The following KIFC3 variants were observed in gnomAD, a reference collection of about 807,000 sequenced individuals.
KIFC3 encodes kinesin family member C3.
In KIFC3, 60 loss-of-function variants were observed where a neutral mutation model predicts 101.8. The ratio of observed to expected loss-of-function variants is 0.59; its 90% CI spans 0.48 to 0.73. KIFC3 has a LOEUF of 0.73. KIFC3 is among the 30% of genes least tolerant of loss of function. KIFC3 has a pLI of 0.00. For missense variants in KIFC3, 966 were observed against 1,137.1 expected (o/e 0.85, Z 2.16); for synonymous variants, 476 against 482.7 (o/e 0.99, Z 0.18).
chr16:57,847,246 GGAAGGAAGGAAGGAAGGAA>G (rs1356164042), intron 1 of KIFC3, among the ~76,000 whole-genome samples: 68 of 105,950 alleles, frequency 6.4e-4, no homozygotes, highest in East Asian at 2.4e-3. Flanking sequence ...AAGGAAGGAA[GGAAGGAAGGAAGGAAGGAA>G]GGAAGGGAAG....
chr16:57,758,425 C>T lies in KIFC3; in HGVS notation c.*509G>A, dbSNP rs893972768. 4 of 369,418 alleles carry T rather than the reference C, an allele frequency of 1.1e-5. No homozygotes were observed. The highest frequency in any genetic ancestry group is 2.1e-5 in the Non-Finnish European group (4 of 189,530). 22.9% of individuals were successfully genotyped at this position (369,418 alleles called of 1,614,324 possible). On this transcript the variant is annotated 3_prime_UTR_variant, in exon 20 of 20. Coordinates refer to ENST00000445690, the MANE Select transcript of KIFC3 (RefSeq NM_001130100.2). ...GGAGGCCATGCGCCTCCGCACACCC[C>T]CCAGCTGCGGGAACCCTCCTTGAAG...
chr16:57,766,041 G>A (rs953999622), intron 10 of KIFC3, among the ~76,000 whole-genome samples: 2 of 152,206 alleles, frequency 1.3e-5, no homozygotes, highest in African/African-American at 4.8e-5. Context: ...GGCAGGACAG[G>A]GCTTAGGAAT....
chr16:57,768,382 T>C (rs1183665183), intron 9 of KIFC3, among the ~76,000 whole-genome samples: 5 of 152,086 alleles, frequency 3.3e-5, no homozygotes, highest in African/African-American at 7.2e-5. Context: ...AGTTGTTATA[T>C]GTTATTTTTT....
chr16:57,825,879 C>T (rs1179996649), intron 1 of KIFC3, among the ~76,000 whole-genome samples: 1 of 152,110 alleles, frequency 6.6e-6, no homozygotes, highest in Non-Finnish European at 1.5e-5. Flanking sequence ...AAAAGTTTTG[C>T]CATGTTGCTC....
intron 11 of KIFC3, among the ~76,000 whole-genome samples, chr16:57,764,633 A>C (rs1555601097): frequency 6.6e-6 from 1 of 152,226 alleles, no homozygotes; most frequent in Non-Finnish European, 1.5e-5. Flanking sequence ...AGGAGGGCAC[A>C]GGCCTGGCAG....
At chr16:57,778,804 C>T (rs2052406569) in intron 3 of KIFC3, among the ~76,000 whole-genome samples, 1 of 152,130 alleles carries the variant, frequency 6.6e-6, no homozygotes, top group Admixed American at 6.6e-5. Flanking sequence ...GAGGCTGAGG[C>T]ACAAAGATTG....
rs1464113304 is a variant in KIFC3, at chr16:57,802,423, G to C, written c.-93C>G. 6.1e-6 allele frequency: 6 copies of C among 982,776 alleles called. No individual in the cohort carries two copies. Among genetic ancestry groups the C allele is most frequent in the African/African-American group, 3.5e-5 (2 of 56,942 alleles). 60.9% of individuals were successfully genotyped at this position (982,776 alleles called of 1,614,324 possible). A position where few individuals can be genotyped will look rare whatever the true frequency, so the allele number is the denominator to read the frequency against. On this transcript the variant is annotated 5_prime_UTR_variant, in exon 1 of 20. Transcript: ENST00000445690. The surrounding 1 kb of genome is among the most constrained non-coding windows in gnomAD (Gnocchi z 5.0). ...CGCCGCAGCGCCCGGGGCTCGGCCC[G>C]GCCCGGCCCGCCGGCAGGAGGCAGC...
chr16:57,802,921 G>C, upstream of KIFC3: 9 of 1,484,120 alleles, frequency 6.1e-6, no homozygotes, highest in Non-Finnish European at 8.2e-6. The surrounding 1 kb of genome is among the most constrained non-coding windows in gnomAD (Gnocchi z 5.0). Context: ...ATACCAGTAC[G>C]TGTCTTCCCA....
At chr16:57,787,095 A>G (rs2053415918) in intron 3 of KIFC3, among the ~76,000 whole-genome samples, 2 of 152,224 alleles carry the variant, frequency 1.3e-5, no homozygotes, top group Non-Finnish European at 2.9e-5. Context: ...AGAGTGAGTG[A>G]GATCAGACGG....
At chr16:57,808,143 T>G (rs1012512616), upstream of KIFC3, among the ~76,000 whole-genome samples, 1 of 152,038 alleles carries the variant, frequency 6.6e-6, no homozygotes, top group African/African-American at 2.4e-5. Flanking sequence ...CTCCTAGCAC[T>G]CCAAGGCTAA....
chr16:57,789,533 T>C (rs2053661786), intron 3 of KIFC3, among the ~76,000 whole-genome samples: 1 of 152,188 alleles, frequency 6.6e-6, no homozygotes, highest in African/African-American at 2.4e-5. Flanking sequence ...CGATCCTCTC[T>C]GGAAGATTCG....
At chr16:57,822,380 T>C (rs1466663279) in intron 1 of KIFC3, among the ~76,000 whole-genome samples, 3 of 152,176 alleles carry the variant, frequency 2.0e-5, no homozygotes, top group Non-Finnish European at 2.9e-5. Flanking sequence ...CCTTTCATTC[T>C]ACAAAATAAC....
At chr16:57,845,628 C>A (rs2055902467) in intron 1 of KIFC3, among the ~76,000 whole-genome samples, 1 of 152,148 alleles carries the variant, frequency 6.6e-6, no homozygotes, top group African/African-American at 2.4e-5. Flanking sequence ...CCTGCTCAGG[C>A]AGGTGTTCCT....
intron 1 of KIFC3, among the ~76,000 whole-genome samples, chr16:57,801,228 G>A (rs1389370386): frequency 6.6e-6 from 1 of 152,184 alleles, no homozygotes; most frequent in Non-Finnish European, 1.5e-5. Flanking sequence ...CAGGGACATT[G>A]CAAAGACTGG....
At chr16:57,816,224 G>A (rs1555628755) in intron 1 of KIFC3, 1 of 1,288,174 alleles carries the variant, frequency 7.8e-7, no homozygotes, top group East Asian at 5.6e-5. Context: ...TCACAGGTGA[G>A]AAAACCGAGG....
chr16:57,830,240 T>C (rs868911600), intron 1 of KIFC3, among the ~76,000 whole-genome samples: 84 of 138,976 alleles, frequency 6.0e-4, no homozygotes, highest in African/African-American at 8.8e-4. Context: ...TTCTTTCTTT[T>C]TTTTTTTTTT....
chr16:57,812,742 G>A (rs1225137963), intron 1 of KIFC3, among the ~76,000 whole-genome samples: 2 of 152,200 alleles, frequency 1.3e-5, no homozygotes, highest in Non-Finnish European at 2.9e-5. Flanking sequence ...TGGAAACACC[G>A]AAACACCGGG....
intron 1 of KIFC3, among the ~76,000 whole-genome samples, chr16:57,850,471 T>G (rs1318488946): frequency 8.9e-6 from 1 of 111,816 alleles, no homozygotes; most frequent in Non-Finnish European, 2.0e-5. Context: ...AAGGGTTTTT[T>G]TTTTTTTTTT....
intron 3 of KIFC3, among the ~76,000 whole-genome samples, chr16:57,779,144 A>T (rs782560909): frequency 1.3e-5 from 2 of 152,248 alleles, no homozygotes; most frequent in Non-Finnish European, 2.9e-5. Context: ...TGTTTATAGC[A>T]GCATTATTCA....
Sources: gnomAD v4.1 joint callset for allele counts (sites outside exome capture counted in the v4.1 genomes callset) on GRCh38, gnomAD v4.1.1 for gene constraint, Gnocchi (gnomAD v3.1) non-coding constraint, MANE v1.5 for transcripts, NCBI Gene and HGNC (gene_info 2026-07-23, HGNC 2026-07-21) for gene names.